ABCC1: variants seen among roughly 807,000 people sequenced by gnomAD.
ABCC1 encodes the protein multidrug resistance-associated protein 1.
In ABCC1, 83 loss-of-function variants were observed where a neutral mutation model predicts 172.9. The observed-to-expected ratio is 0.48, with a 90% CI of 0.40 to 0.58. The LOEUF (loss-of-function observed/expected upper bound fraction) is 0.58, where lower values mean the gene tolerates loss of function less well. ABCC1 is among the 20% of genes least tolerant of loss of function. The pLI, the probability that ABCC1 is intolerant of heterozygous loss-of-function variation, is 0.00. For missense variants in ABCC1, 1,817 were observed against 2,002.7 expected (o/e 0.91, Z 1.77); for synonymous variants, 937 against 825.2 (o/e 1.14, Z -2.32).
chr16:16,079,478 G>GGTAGGA lies in ABCC1; in HGVS notation c.2115+1_2115+6dup, dbSNP rs559026452. 7.7e-4 allele frequency: 1,243 copies of GGTAGGA among 1,610,896 alleles called. 9 individuals carry two copies. Among genetic ancestry groups the GGTAGGA allele is most frequent in the South Asian group, 5.9e-3 (533 of 90,944 alleles). On this transcript the variant is annotated inframe_insertion and splice_region_variant. Transcript: ENST00000399410. ...AAGTGGAGGGGCACGTGGCTATCAA[G>GGTAGGA]GTAGGATGAGGACCAGCGGGGAGGG...
chr16:16,079,511 G>A, intron 16 of ABCC1, 33 bp downstream of exon 16: 1 of 1,591,228 alleles, frequency 6.3e-7, no homozygotes, highest in Non-Finnish European at 8.6e-7. Context: ...GGGGCAGTGG[G>A]GAAGCTGGTG....
chr16:15,961,056 G>A (rs544332180), intron 1 of ABCC1, among the ~76,000 whole-genome samples: 156 of 148,848 alleles, frequency 1.0e-3, no homozygotes, highest in Non-Finnish European at 1.7e-3. Flanking sequence ...ATGCTGCTCA[G>A]GCTGGTCTCG....
intron 1 of ABCC1, among the ~76,000 whole-genome samples, chr16:15,977,204 A>AG (rs1333220005): frequency 1.3e-5 from 2 of 152,140 alleles, no homozygotes; most frequent in Non-Finnish European, 2.9e-5. Context: ...ATTCAAGAAA[A>AG]GGGTAAGCCA....
At position 15,991,267 on chromosome 16, in the gene ABCC1, A is replaced by G. The variant is rs894917476; in HGVS notation, c.49-16549A>G. Among the ~76,000 whole-genome samples the G allele has an allele frequency of 2.0e-5, 3 of 149,100 alleles. No homozygotes were observed. In the South Asian group the frequency reaches 6.4e-4, roughly 32 times the overall value. On this transcript the variant is annotated intron_variant, in intron 1 of 30. Transcript: ENST00000399410. ...CACCTGTGCCTCTAAATCGCAGGGA[A>G]GCTTTGTGTGTGTGTGTGGTGGGGT...
intron 11 of ABCC1, among the ~76,000 whole-genome samples, chr16:16,055,804 G>T (rs1030475523): frequency 3.3e-5 from 5 of 151,414 alleles, no homozygotes; most frequent in Non-Finnish European, 7.4e-5. Flanking sequence ...GGCTAGTAGG[G>T]ATTACAGGGT....
At chr16:15,990,677 T>C (rs2046840634) in intron 1 of ABCC1, among the ~76,000 whole-genome samples, 1 of 151,284 alleles carries the variant, frequency 6.6e-6, no homozygotes, top group Non-Finnish European at 1.5e-5. Flanking sequence ...TTAGACAGAG[T>C]CTTGCTCTGT....
chr16:16,106,557 C>T lies in ABCC1; in HGVS notation c.2736-181C>T. ...TGCCTTTCTCTGGGTACCTATAAAC[C>T]TGGAGAGTGACATGGTGGGGTGTGG... On this transcript the variant is annotated intron_variant, in intron 20 of 30. Coordinates refer to ENST00000399410, the MANE Select transcript of ABCC1 (RefSeq NM_004996.4). 3 of 633,244 alleles carry T rather than the reference C, an allele frequency of 4.7e-6. No homozygotes were observed. In the South Asian group the frequency reaches 6.7e-5, roughly 14 times the overall value. The allele number at this position is 633,244 out of a possible 1,614,324, so 39.2% of individuals were successfully genotyped here.
Position 16,079,367 on chromosome 16 carries a change from C to G in ABCC1, c.2004C>G (p.Ile668Met). Reference sequence around the variant, plus strand: ...GTCGTTTCAGCATCACCTTCTCCATCCCCGAAGGTGCTTTGGTGGCCGTGG... The same window carrying G: ...GTCGTTTCAGCATCACCTTCTCCATGCCCGAAGGTGCTTTGGTGGCCGTGG... The part of the protein sequence containing the change: ...PPTLNGITFS[I>M]PEGALVAVVG... The change falls in exon 16 of 31, where the codon ATC (isoleucine) becomes ATG (methionine). Residue 668 changes from isoleucine (I) to methionine (M), a missense_variant. Transcript: ENST00000399410. 6.2e-7 allele frequency: 1 copy of G among 1,614,010 alleles called. No individual in the cohort carries two copies. The highest frequency in any genetic ancestry group is 1.1e-5 in the South Asian group (1 of 91,076).
Position 16,141,172 on chromosome 16 carries a change from G to T in ABCC1, c.4488-1G>T. ...TCATGTCTGTATCCCCTCTCCCTCA[G>T]GGTGATCGTCTTGGACAAAGGAGAA... On this transcript the variant is annotated splice_acceptor_variant, in intron 30 of 30. Coordinates refer to ENST00000399410, the MANE Select transcript of ABCC1 (RefSeq NM_004996.4). LOFTEE classifies it high-confidence loss of function. 1.9e-6 allele frequency: 3 copies of T among 1,613,774 alleles called. No homozygotes were observed. In the African/African-American group the frequency reaches 4.0e-5, roughly 22 times the overall value.
intron 12 of ABCC1, among the ~76,000 whole-genome samples, chr16:16,060,273 C>T (rs2049856240): frequency 6.6e-6 from 1 of 152,148 alleles, no homozygotes; most frequent in Admixed American, 6.5e-5. Context: ...GTCCTCCTTC[C>T]TCATGCCCAC....
chr16:16,110,335 C>G (rs1208230865), intron 21 of ABCC1, among the ~76,000 whole-genome samples: 1 of 152,110 alleles, frequency 6.6e-6, no homozygotes, highest in Middle Eastern at 3.2e-3. Flanking sequence ...CCACTTGCCG[C>G]AGCCCCTCAA....
At chr16:15,977,544 C>T (rs751876598) in intron 1 of ABCC1, among the ~76,000 whole-genome samples, 11 of 151,836 alleles carry the variant, frequency 7.2e-5, no homozygotes, top group Admixed American at 2.6e-4. Flanking sequence ...CTTATACCCC[C>T]TAAGCTTGTG....
chr16:16,020,965 C>T (rs45592733), intron 5 of ABCC1, among the ~76,000 whole-genome samples: 2,813 of 152,200 alleles, frequency 0.018, 78 homozygotes, highest in African/African-American at 0.064. Flanking sequence ...CATGTCACTT[C>T]GCTTGGTTGT....
chr16:16,079,879 T>G lies in ABCC1; in HGVS notation c.2115+401T>G, dbSNP rs2050739754. Among the ~76,000 whole-genome samples, 4 of 151,938 alleles carry G rather than the reference T, an allele frequency of 2.6e-5. No homozygotes were observed. In the South Asian group the frequency reaches 8.3e-4, roughly 32 times the overall value. Reference sequence around the variant, plus strand: ...CGCAGGCTGGAGTGAAGTGGCGTGATCTCGGCTCACTGCAGCCTCTGCCTC... The same window carrying G: ...CGCAGGCTGGAGTGAAGTGGCGTGAGCTCGGCTCACTGCAGCCTCTGCCTC... On this transcript the variant is annotated intron_variant, in intron 16 of 30. Coordinates refer to ENST00000399410, the MANE Select transcript of ABCC1 (RefSeq NM_004996.4).
At chr16:15,991,836 C>T (rs1395008323) in intron 1 of ABCC1, among the ~76,000 whole-genome samples, 1 of 152,078 alleles carries the variant, frequency 6.6e-6, no homozygotes. Context: ...ACAATGGCTG[C>T]AGCCTCCTTT....
intron 1 of ABCC1, among the ~76,000 whole-genome samples, chr16:16,005,448 A>G (rs1199839695): frequency 6.6e-6 from 1 of 151,664 alleles, no homozygotes; most frequent in Admixed American, 6.6e-5. Flanking sequence ...CCTGGGTTCA[A>G]GTGATTCCCC....
intron 3 of ABCC1, 23 bp downstream of exon 3, chr16:16,009,924 C>T (rs552231721): frequency 1.9e-6 from 3 of 1,573,174 alleles, no homozygotes; most frequent in African/African-American, 1.4e-5. Context: ...TGGCTGTGAC[C>T]CCTGGGCCAT....
In ABCC1 at chr16:16,112,142, A is replaced by G. The variant is rs561066818; in HGVS notation, c.3079+560A>G. Among the ~76,000 whole-genome samples, 32 of 152,272 alleles carry G rather than the reference A, an allele frequency of 2.1e-4. No homozygotes were observed. The South Asian group carries it at 6.6e-3, about 32-fold the overall frequency. ...TGAAGTCAAAGGATTGCTTGAGGCC[A>G]GATATTCGAGACCAGCCTGGGCAAC... is the stretch of plus-strand genomic sequence containing the variant. On this transcript the variant is annotated intron_variant, in intron 22 of 30. Coordinates refer to ENST00000399410, the MANE Select transcript of ABCC1 (RefSeq NM_004996.4).
At position 16,028,471 on chromosome 16, in the gene ABCC1, C is replaced by T. The variant is rs533178679; in HGVS notation, c.616-4638C>T. ...CGTGCCCCACCCCTTCCTCCTCTCTCTGCCAGCCAGCACCTTGGTCTTTCA... is the reference window on the plus strand; with the variant it reads ...CGTGCCCCACCCCTTCCTCCTCTCTTTGCCAGCCAGCACCTTGGTCTTTCA... On this transcript the variant is annotated intron_variant, in intron 5 of 30. Transcript: ENST00000399410. 6.6e-5 allele frequency among the ~76,000 whole-genome samples: 10 copies of T among 152,274 alleles called. No homozygotes were observed. In the East Asian group the frequency reaches 1.9e-3, roughly 29 times the overall value.
Sources: gnomAD v4.1 joint callset for allele counts (sites outside exome capture counted in the v4.1 genomes callset) on GRCh38, gnomAD v4.1.1 for gene constraint, MANE v1.5 for transcripts, NCBI Gene and HGNC (gene_info 2026-07-23, HGNC 2026-07-21) for gene names.